Variants in SLC12A2 observed in about 807,000 individuals in gnomAD.
SLC12A2 encodes Na-K-2Cl cotransporter 1.
Under a neutral mutation model 136.3 loss-of-function variants are expected in SLC12A2, and 67 were observed. The observed-to-expected ratio is 0.49, with a 90% CI of 0.40 to 0.60. The LOEUF (loss-of-function observed/expected upper bound fraction) is 0.60, where lower values mean the gene tolerates loss of function less well. Among genes scored for constraint, SLC12A2 ranks in the 20% least tolerant of loss-of-function variants. The pLI is 0.00. For missense variants in SLC12A2, 1,322 were observed against 1,534.7 expected (o/e 0.86, Z 2.32); for synonymous variants, 619 against 562.9 (o/e 1.10, Z -1.41).
intron 1 of SLC12A2, among the ~76,000 whole-genome samples, chr5:128,098,157 AGTTT>A (rs1485975739): frequency 2.0e-5 from 3 of 151,890 alleles, no homozygotes; most frequent in Admixed American, 6.6e-5. Flanking sequence ...ATCCTTTGTC[AGTTT>A]GTTAAGTTTC....
intron 15 of SLC12A2, among the ~76,000 whole-genome samples, chr5:128,155,667 G>C (rs1466571035): frequency 6.6e-6 from 1 of 151,936 alleles, no homozygotes; most frequent in Non-Finnish European, 1.5e-5. Flanking sequence ...CTTTAATTTG[G>C]GTTTTGGGAT....
At chr5:128,175,982 GTTTAT>G (rs1341599084) in intron 20 of SLC12A2, among the ~76,000 whole-genome samples, 1 of 151,364 alleles carries the variant, frequency 6.6e-6, no homozygotes, top group East Asian at 1.9e-4. Flanking sequence ...TTTATTTTGT[GTTTAT>G]TTTCTGTTTA....
At chr5:128,118,008 C>T (rs1292905421) in intron 4 of SLC12A2, among the ~76,000 whole-genome samples, 4 of 151,784 alleles carry the variant, frequency 2.6e-5, no homozygotes, top group Middle Eastern at 3.2e-3. Context: ...ATTAAAACCT[C>T]GATGAGATAC....
At chr5:128,165,835 A>G (rs1008201211) in intron 17 of SLC12A2, among the ~76,000 whole-genome samples, 1 of 151,126 alleles carries the variant, frequency 6.6e-6, no homozygotes, top group African/African-American at 2.4e-5. Context: ...AGTATTTTGC[A>G]CCATTAAGAA....
chr5:128,122,277 C>T (rs1761612499), intron 4 of SLC12A2, among the ~76,000 whole-genome samples: 2 of 152,096 alleles, frequency 1.3e-5, no homozygotes, highest in Admixed American at 1.3e-4. Flanking sequence ...TTTTATGTTA[C>T]TTGTACTTTA....
At chr5:128,114,511 G>T in intron 3 of SLC12A2, 75 bp from the exon 4 acceptor site, 1 of 1,060,360 alleles carries the variant, frequency 9.4e-7, no homozygotes, top group South Asian at 1.4e-5. Flanking sequence ...AGTATTCTTA[G>T]ACCAACCAGT....
Position 128,148,894 on chromosome 5 carries a change from G to T in SLC12A2, c.2005+17G>T, listed in dbSNP as rs1008326217. The T allele has an allele frequency of 3.2e-5, 50 of 1,568,226 alleles. No individual in the cohort carries two copies. The highest frequency in any genetic ancestry group is 4.2e-5 in the Non-Finnish European group (49 of 1,160,248). On this transcript the variant is annotated intron_variant, in intron 12 of 26. Transcript: ENST00000262461. ...TCTTAATTGGTTAGTTATATAAATG[G>T]TGTGTTATTGTAGATTTTTGGTGCA...
At chr5:128,175,685 T>C (rs529618381) in intron 20 of SLC12A2, among the ~76,000 whole-genome samples, 29 of 152,120 alleles carry the variant, frequency 1.9e-4, no homozygotes, top group African/African-American at 6.7e-4. Flanking sequence ...GTTACGATCT[T>C]ATGAAATCAT....
chr5:128,185,727 A>C (rs1763845570), intron 26 of SLC12A2, among the ~76,000 whole-genome samples: 1 of 152,200 alleles, frequency 6.6e-6, no homozygotes, highest in South Asian at 2.1e-4. Context: ...GATAGTAAAC[A>C]TACCTTTCAC....
At chr5:128,121,276 G>T (rs1480233630) in intron 4 of SLC12A2, among the ~76,000 whole-genome samples, 1 of 152,042 alleles carries the variant, frequency 6.6e-6, no homozygotes, top group African/African-American at 2.4e-5. Flanking sequence ...CTTAGTTTCA[G>T]GCTTGATTCA....
intron 3 of SLC12A2, 57 bp downstream of exon 3, chr5:128,114,344 C>A: frequency 7.7e-7 from 1 of 1,299,412 alleles, no homozygotes; most frequent in South Asian, 1.2e-5. Context: ...TGTGTCTGAG[C>A]TCTTAACCTC....
chr5:128,127,474 C>G (rs57249773), intron 4 of SLC12A2, among the ~76,000 whole-genome samples: 17,311 of 151,756 alleles, frequency 0.11, 1,056 homozygotes, highest in African/African-American at 0.16. Flanking sequence ...CAGTATTATG[C>G]TCATCTTATG....
intron 10 of SLC12A2, among the ~76,000 whole-genome samples, chr5:128,146,435 C>G (rs1366485035): frequency 5.9e-5 from 9 of 151,536 alleles, no homozygotes; most frequent in Non-Finnish European, 8.9e-5. Flanking sequence ...ATCTTCATGA[C>G]ATTGACATTT....
At chr5:128,134,698 C>CT (rs1479430105) in intron 6 of SLC12A2, among the ~76,000 whole-genome samples, 1 of 152,046 alleles carries the variant, frequency 6.6e-6, no homozygotes, top group Non-Finnish European at 1.5e-5. Flanking sequence ...GAAGTTAGGA[C>CT]TACCAAAGCC....
chr5:128,093,414 C>G (rs1760411236), intron 1 of SLC12A2, among the ~76,000 whole-genome samples: 1 of 152,160 alleles, frequency 6.6e-6, no homozygotes, highest in Non-Finnish European at 1.5e-5. Flanking sequence ...CCACACTCCT[C>G]TGAGTTCTGG....
In SLC12A2 at chr5:128,141,838, G is replaced by A. The variant is rs771518386; in HGVS notation, c.1630G>A (p.Val544Ile). 2 of 1,612,520 alleles carry A rather than the reference G, an allele frequency of 1.2e-6. No individual in the cohort carries two copies. Among genetic ancestry groups the A allele is most frequent in the South Asian group, 2.2e-5 (2 of 90,850 alleles). The change falls in exon 10 of 27, where the codon GTT (valine) becomes ATT (isoleucine). Residue 544 changes from valine (V) to isoleucine (I), a missense_variant. Val to Ile is a conservative substitution (Grantham distance 29, BLOSUM62 3). Transcript: ENST00000262461. Reference protein sequence around the residue: ...VGIAVSVGSCVVRDATGNVND... With the variant: ...VGIAVSVGSCIVRDATGNVND... ...TGTCACTTGTGCTTTAGGTTCTTGT[G>A]TTGTTCGAGATGCCACTGGAAACGT...
At chr5:128,184,669 C>A in intron 25 of SLC12A2, 120 bp from the exon 26 acceptor site, 1 of 1,498,030 alleles carries the variant, frequency 6.7e-7, no homozygotes, top group Non-Finnish European at 9.1e-7. Flanking sequence ...AAATAGAGAA[C>A]AGATATTTTT....
At chr5:128,160,736 T>A (rs1701163612) in intron 16 of SLC12A2, among the ~76,000 whole-genome samples, 1 of 152,172 alleles carries the variant, frequency 6.6e-6, no homozygotes, top group African/African-American at 2.4e-5. Context: ...TCTCTCAATT[T>A]CTGTTCTTCA....
chr5:128,122,382 G>T (rs1333109166), intron 4 of SLC12A2, among the ~76,000 whole-genome samples: 3 of 152,172 alleles, frequency 2.0e-5, no homozygotes, highest in Non-Finnish European at 2.9e-5. Flanking sequence ...TTACATTGAG[G>T]TAATAATAGT....
Sources: gnomAD v4.1 joint callset for allele counts (sites outside exome capture counted in the v4.1 genomes callset) on GRCh38, gnomAD v4.1.1 for gene constraint, MANE v1.5 for transcripts, NCBI Gene and HGNC (gene_info 2026-07-23, HGNC 2026-07-21) for gene names.